EFCAB7: variants seen among roughly 807,000 people sequenced by gnomAD.
The protein encoded by EFCAB7 is EF-hand calcium-binding domain-containing protein 7.
A neutral mutation model predicts 77.1 loss-of-function variants in EFCAB7; 66 were observed. That is an observed-to-expected ratio of 0.86 (90% CI 0.70 to 1.05). The LOEUF (loss-of-function observed/expected upper bound fraction) is 1.05, where lower values mean the gene tolerates loss of function less well. EFCAB7 is among the 50% of genes least tolerant of loss of function. The pLI is 0.00. For missense variants in EFCAB7, 638 were observed against 730.5 expected, an observed-to-expected ratio of 0.87 and a Z score of 1.46; for synonymous variants, 225 against 243.3, an observed-to-expected ratio of 0.92 and a Z score of 0.70.
At chr1:63,536,332 T>C (rs1646762726) in intron 6 of EFCAB7, among the ~76,000 whole-genome samples, 1 of 152,210 alleles carries the variant, frequency 6.6e-6, no homozygotes, top group African/African-American at 2.4e-5. Flanking sequence ...GTGACTCTTT[T>C]GTTATTCAGC....
At chr1:63,553,342 T>A (rs529927526) in intron 8 of EFCAB7, among the ~76,000 whole-genome samples, 1 of 152,272 alleles carries the variant, frequency 6.6e-6, no homozygotes, top group South Asian at 2.1e-4. Context: ...CATTTTTGTT[T>A]GTTTGTTTGT....
At chr1:63,567,713 TAG>T (rs1647186216) in intron 11 of EFCAB7, among the ~76,000 whole-genome samples, 1 of 152,176 alleles carries the variant, frequency 6.6e-6, no homozygotes, top group East Asian at 1.9e-4. Flanking sequence ...AGCTGTTGCA[TAG>T]AGACACAGGA....
At chr1:63,555,049 C>T (rs1647013933) in intron 8 of EFCAB7, 1 of 171,088 alleles carries the variant, frequency 5.8e-6, no homozygotes, top group African/African-American at 2.4e-5. Flanking sequence ...AAGGTATTTG[C>T]ATCACAGATA....
chr1:63,568,492 C>T lies in EFCAB7; in HGVS notation c.1680C>T (p.Thr560=), dbSNP rs748287309. 3 of 1,599,518 alleles carry T rather than the reference C, an allele frequency of 1.9e-6. No individual in the cohort carries two copies. The highest frequency in any genetic ancestry group is 2.6e-6 in the Non-Finnish European group (3 of 1,175,590). ...NIIVHTYSCD[T]WITSVIENKS... ...TCGTGCATACTTACAGTTGTGACAC[C>T]TGGATAACGTCAGTTATTGAAAACA... The change falls in exon 12 of 14, where the codon ACC becomes ACT. Residue 560 remains threonine, a synonymous_variant. Transcript: ENST00000371088.
chr1:63,576,394 C>T (rs549725718), downstream of EFCAB7, among the ~76,000 whole-genome samples: 8 of 152,206 alleles, frequency 5.3e-5, no homozygotes, highest in South Asian at 6.2e-4. Context: ...GCAGGAGAAT[C>T]GCTTGAACCC....
At chr1:63,549,157 A>G (rs971492681) in intron 7 of EFCAB7, 6 of 311,778 alleles carry the variant, frequency 1.9e-5, no homozygotes, top group East Asian at 1.0e-4. Context: ...CAGAGAACCA[A>G]TTCTGGAGAA....
chr1:63,568,288 C>G, intron 11 of EFCAB7, 22 bp from the exon 12 acceptor site: 1 of 1,566,908 alleles, frequency 6.4e-7, no homozygotes, highest in Non-Finnish European at 8.7e-7. Context: ...AAGGCTGAAA[C>G]AAGATTTTTT....
At position 63,568,464 on chromosome 1, in the gene EFCAB7, T is replaced by G. The variant is rs756681533; in HGVS notation, c.1652T>G (p.Ile551Arg). The G allele has an allele frequency of 6.3e-7, 1 of 1,593,790 alleles. No homozygotes were observed. Among genetic ancestry groups the G allele is most frequent in the South Asian group, 1.1e-5 (1 of 86,984 alleles). ...DAKVMDGYEN[I>R]IVHTYSCDTW... ...AAAGTAATGGATGGCTATGAAAATA[T>G]AATCGTGCATACTTACAGTTGTGAC... Residue 551 changes from isoleucine to arginine, a missense_variant, in exon 12 of 14, where the codon ATA becomes AGA. Ile to Arg is a moderately conservative substitution (Grantham distance 97). Transcript: ENST00000371088.
intron 11 of EFCAB7, 97 bp from the exon 12 acceptor site, chr1:63,568,213 G>A: frequency 9.7e-7 from 1 of 1,033,762 alleles, no homozygotes; most frequent in African/African-American, 1.7e-5. Context: ...AGAAGGACAA[G>A]CTAGAAGGTA....
chr1:63,546,610 C>T (rs139719575), intron 7 of EFCAB7, among the ~76,000 whole-genome samples: 4,544 of 152,266 alleles, frequency 0.03, 94 homozygotes, highest in Middle Eastern at 0.054. Context: ...TCAGGTGATC[C>T]ACCCGCTTCG....
At chr1:63,557,344 T>C (rs1193176600) in intron 10 of EFCAB7, 97 bp downstream of exon 10, 4 of 1,163,944 alleles carry the variant, frequency 3.4e-6, no homozygotes, top group Non-Finnish European at 4.7e-6. Context: ...GCATGAAATA[T>C]TATTATAGCA....
chr1:63,567,115 A>T (rs1647180898), intron 11 of EFCAB7, among the ~76,000 whole-genome samples: 1 of 152,172 alleles, frequency 6.6e-6, no homozygotes, highest in African/African-American at 2.4e-5. Context: ...TCCTGCCCTT[A>T]TGAAATTTAT....
the EFCAB7 span, among the ~76,000 whole-genome samples, chr1:63,584,773 A>G: frequency 1.3e-5 from 2 of 152,150 alleles, no homozygotes; most frequent in Non-Finnish European, 2.9e-5. Context: ...TTCTCTAGCT[A>G]ACTTTATTGT....
chr1:63,536,606 C>T (rs553927327), intron 6 of EFCAB7: 1 of 152,232 alleles, frequency 6.6e-6, no homozygotes, highest in East Asian at 1.9e-4. Context: ...GTCTCGAGCT[C>T]CTGACCTCAA....
intron 10 of EFCAB7, among the ~76,000 whole-genome samples, chr1:63,561,465 A>G (rs1435358040): frequency 6.6e-6 from 1 of 152,186 alleles, no homozygotes; most frequent in African/African-American, 2.4e-5. Context: ...TGCACTATTT[A>G]TAACTTTAGG....
At chr1:63,563,079 G>A (rs949494687) in intron 11 of EFCAB7, among the ~76,000 whole-genome samples, 2 of 152,110 alleles carry the variant, frequency 1.3e-5, no homozygotes, top group African/African-American at 2.4e-5. Context: ...TTAACCATGT[G>A]TAAAATCAGC....
intron 11 of EFCAB7, among the ~76,000 whole-genome samples, chr1:63,565,912 A>G (rs1199189581): frequency 6.6e-6 from 1 of 152,264 alleles, no homozygotes; most frequent in African/African-American, 2.4e-5. Flanking sequence ...GGGAGTGTAC[A>G]TGAGTTCAAC....
chr1:63,583,687 A>G, the EFCAB7 span, among the ~76,000 whole-genome samples: 1 of 152,192 alleles, frequency 6.6e-6, no homozygotes, highest in Non-Finnish European at 1.5e-5. Context: ...CATGATATGA[A>G]GCCGAGATGG....
intron 12 of EFCAB7, 132 bp from the exon 13 acceptor site, chr1:63,570,889 G>C (rs998477598): frequency 4.2e-6 from 2 of 477,166 alleles, no homozygotes; most frequent in Non-Finnish European, 7.2e-6. Context: ...GTTGAAAGAA[G>C]TAGCCAATTT....
Sources: allele counts gnomAD v4.1 joint callset (sites outside exome capture counted in the v4.1 genomes callset), GRCh38; gene constraint gnomAD v4.1.1; transcripts MANE v1.5; gene names NCBI Gene and HGNC (gene_info 2026-07-23, HGNC 2026-07-21).